LSM7: variants seen among roughly 807,000 people sequenced by gnomAD.
LSM7 encodes LSM7 homolog, U6 small nuclear RNA and mRNA degradation associated, also known as U6 snRNA-associated Sm-like protein LSm7.
In LSM7, 13 loss-of-function variants were observed where a neutral mutation model predicts 14.1. The observed-to-expected ratio is 0.92, with a 90% CI of 0.60 to 1.47. LSM7 has a LOEUF of 1.47. Among genes scored for constraint, LSM7 ranks in the 40% most tolerant of loss-of-function variants. LSM7 has a pLI of 0.00. For missense variants in LSM7, 108 were observed against 140.8 expected, an observed-to-expected ratio of 0.77 and a Z score of 1.18; for synonymous variants, 70 against 57.1, an observed-to-expected ratio of 1.23 and a Z score of -1.02.
chr19:2,322,529 A>G (rs1967950454), intron 3 of LSM7, among the ~76,000 whole-genome samples: 1 of 152,110 alleles, frequency 6.6e-6, no homozygotes, highest in South Asian at 2.1e-4. Context: ...TGACAGAGCG[A>G]GATTCCATCT....
Position 2,321,546 on chromosome 19 carries a change from A to G in LSM7, c.*134T>C. 9.7e-7 allele frequency: 1 copy of G among 1,032,650 alleles called. No individual in the cohort carries two copies. The allele number at this position is 1,032,650 out of a possible 1,614,324, so 64.0% of individuals were successfully genotyped here. On this transcript the variant is annotated 3_prime_UTR_variant, in exon 4 of 4. Transcript: ENST00000252622. This position sits in a 1 kb window ranked among gnomAD's most constrained non-coding sequence, Gnocchi z 5.0. ...TTGAGGTTTGCAATTTTATTAAGAAAACAAAAATTCAACCTATACAAAAAG... is the reference window on the plus strand; with the variant it reads ...TTGAGGTTTGCAATTTTATTAAGAAGACAAAAATTCAACCTATACAAAAAG...
In LSM7 at chr19:2,321,876, C is replaced by T. The variant is rs775992823; in HGVS notation, c.170-54G>A. On this transcript the variant is annotated intron_variant, in intron 3 of 3. Transcript: ENST00000252622. The surrounding 1 kb of genome is among the most constrained non-coding windows in gnomAD (Gnocchi z 5.0). The stretch of plus-strand genomic sequence containing the variant: ...GGGACCTCCAGGAAGCCTCCGAGAC[C>T]CCCCACCCACCCAAGACCCTCGCTC... 25 of 1,348,920 alleles carry T rather than the reference C, an allele frequency of 1.9e-5. No individual in the cohort carries two copies. Among genetic ancestry groups the T allele is most frequent in the Non-Finnish European group, 2.4e-5 (25 of 1,043,546 alleles). 83.6% of individuals were successfully genotyped at this position (1,348,920 alleles called of 1,614,324 possible).
chr19:2,323,460 C>CT (rs997676552), intron 3 of LSM7, among the ~76,000 whole-genome samples: 22 of 151,982 alleles, frequency 1.4e-4, no homozygotes, highest in Middle Eastern at 3.4e-3. Flanking sequence ...CAGCTTATCT[C>CT]TTTTTTTTGA....
chr19:2,326,196 T>C lies in LSM7; in HGVS notation c.98-2000A>G, dbSNP rs114485930. ...GGTTATGTGGCAAAGACAAGGAACT[T>C]TGCAGCTGTAATTAGAGCCCCTGAA... On this transcript the variant is annotated intron_variant, in intron 2 of 3. Transcript: ENST00000252622. 3.8e-3 allele frequency: 582 copies of C among 152,392 alleles called. 5 individuals carry two copies. The highest frequency in any genetic ancestry group is 0.013 in the African/African-American group (561 of 41,560). The allele number at this position is 152,392 out of a possible 1,614,324, so 9.4% of individuals were successfully genotyped here.
At chr19:2,322,738 A>G (rs1168728253) in intron 3 of LSM7, among the ~76,000 whole-genome samples, 1 of 152,138 alleles carries the variant, frequency 6.6e-6, no homozygotes, top group Non-Finnish European at 1.5e-5. Flanking sequence ...TTCAGACACC[A>G]GGTCTTGCTC....
intron 2 of LSM7, chr19:2,324,403 A>C: frequency 1.8e-6 from 1 of 569,710 alleles, no homozygotes. Flanking sequence ...GGGGGGCCAG[A>C]TGGCAAACAC....
At chr19:2,322,163 G>A (rs1967944898) in intron 3 of LSM7, among the ~76,000 whole-genome samples, 1 of 152,184 alleles carries the variant, frequency 6.6e-6, no homozygotes, top group Non-Finnish European at 1.5e-5. Flanking sequence ...TTATCAGATG[G>A]CCGGCCAGAA....
intron 2 of LSM7, 129 bp from the exon 3 acceptor site, chr19:2,324,325 C>T (rs1029465617): frequency 2.7e-6 from 2 of 731,120 alleles, no homozygotes; most frequent in African/African-American, 1.7e-5. Context: ...TAGGAGAGGG[C>T]TCCCGGGAGT....
At chr19:2,322,079 A>G (rs1044848383) in intron 3 of LSM7, among the ~76,000 whole-genome samples, 2 of 152,184 alleles carry the variant, frequency 1.3e-5, no homozygotes, top group African/African-American at 4.8e-5. Flanking sequence ...TGGGAACAAG[A>G]AGGCCCAGGT....
chr19:2,327,997 T>C (rs147342681), intron 2 of LSM7: 2,125 of 180,964 alleles, frequency 0.012, 53 homozygotes, highest in African/African-American at 0.048. Context: ...TCAAAAATGC[T>C]AGGCTGGGCA....
In LSM7 at chr19:2,321,531, C is replaced by T; in HGVS notation, c.*149G>A. ...CGGGGCTCAGACACATTGAGGTTTG[C>T]AATTTTATTAAGAAAACAAAAATTC... On this transcript the variant is annotated 3_prime_UTR_variant, in exon 4 of 4. Coordinates refer to ENST00000252622, the MANE Select transcript of LSM7 (RefSeq NM_016199.3). This position sits in a 1 kb window ranked among gnomAD's most constrained non-coding sequence, Gnocchi z 5.0. 1.1e-6 allele frequency: 1 copy of T among 906,702 alleles called. No individual in the cohort carries two copies. Among genetic ancestry groups the T allele is most frequent in the South Asian group, 2.4e-5 (1 of 42,076 alleles). 56.2% of individuals were successfully genotyped at this position (906,702 alleles called of 1,614,324 possible).
chr19:2,326,894 C>T (rs1281469378), intron 2 of LSM7, among the ~76,000 whole-genome samples: 9 of 152,366 alleles, frequency 5.9e-5, no homozygotes, highest in East Asian at 3.9e-4. Flanking sequence ...GAGCTGGCAG[C>T]GTCCGGGAGC....
At chr19:2,322,882 A>G (rs1482124152) in intron 3 of LSM7, among the ~76,000 whole-genome samples, 2 of 139,564 alleles carry the variant, frequency 1.4e-5, no homozygotes, top group South Asian at 2.3e-4. Context: ...CTGGCTAATT[A>G]CATTTTTTTT....
At chr19:2,324,517 G>C (rs989692920) in intron 2 of LSM7, 1 of 401,808 alleles carries the variant, frequency 2.5e-6, no homozygotes, top group African/African-American at 2.0e-5. Flanking sequence ...AACTGCGGCC[G>C]GTCAGCTCTA....
intron 3 of LSM7, among the ~76,000 whole-genome samples, chr19:2,322,228 CA>C (rs1388987909): frequency 6.6e-6 from 1 of 152,180 alleles, no homozygotes; most frequent in African/African-American, 2.4e-5. Flanking sequence ...CCTAGGGGGC[CA>C]ATATTCACCC....
In LSM7 at chr19:2,328,305, C is replaced by T. The variant is rs1374190912; in HGVS notation, c.97+82G>A. 3 of 1,146,516 alleles carry T rather than the reference C, an allele frequency of 2.6e-6. No individual in the cohort carries two copies. The African/African-American group carries it at 4.7e-5, about 18-fold the overall frequency. 71.0% of individuals were successfully genotyped at this position (1,146,516 alleles called of 1,614,324 possible). On this transcript the variant is annotated intron_variant, in intron 2 of 3. Transcript: ENST00000252622. The stretch of plus-strand genomic sequence containing the variant: ...ATGAAAATAAATAAAAGAGGTGCTT[C>T]CGCATGCGTCCTCATCATCTCTGTT...
intron 2 of LSM7, among the ~76,000 whole-genome samples, chr19:2,327,215 T>G (rs540496719): frequency 2.0e-4 from 31 of 152,364 alleles, no homozygotes; most frequent in Admixed American, 5.2e-4. Flanking sequence ...TCCTTCCATG[T>G]CCGGAGTCAG....
Position 2,321,588 on chromosome 19 carries a change from CAGG to C in LSM7, c.*89_*91del. ...TACAAAAAGGAAAATGCTTCCGTTCCAGGAGGCGGTACTGCGGTGGGAGCAGCA... is the reference window on the plus strand; with the variant it reads ...TACAAAAAGGAAAATGCTTCCGTTCCAGGCGGTACTGCGGTGGGAGCAGCA... On this transcript the variant is annotated 3_prime_UTR_variant, in exon 4 of 4. Transcript: ENST00000252622. The surrounding 1 kb of genome is among the most constrained non-coding windows in gnomAD (Gnocchi z 5.0). 3.2e-6 allele frequency: 4 copies of C among 1,243,994 alleles called. No individual in the cohort carries two copies. The highest frequency in any genetic ancestry group is 4.1e-6 in the Non-Finnish European group (4 of 975,396). 77.1% of individuals were successfully genotyped at this position (1,243,994 alleles called of 1,614,324 possible).
At chr19:2,324,404 T>C (rs1967983708) in intron 2 of LSM7, 4 of 568,334 alleles carry the variant, frequency 7.0e-6, no homozygotes, top group Middle Eastern at 4.0e-4. Flanking sequence ...GGGGGCCAGA[T>C]GGCAAACACT....
Sources: gnomAD v4.1 joint callset for allele counts (sites outside exome capture counted in the v4.1 genomes callset) on GRCh38, gnomAD v4.1.1 for gene constraint, Gnocchi (gnomAD v3.1) non-coding constraint, MANE v1.5 for transcripts, NCBI Gene and HGNC (gene_info 2026-07-23, HGNC 2026-07-21) for gene names.